The following ZNF90 variants were observed in gnomAD, a reference collection of about 807,000 sequenced individuals.
ZNF90 encodes the protein zinc finger protein HTF9.
In ZNF90, 11 loss-of-function variants were observed where a neutral mutation model predicts 12.0. That is an observed-to-expected ratio of 0.92 (90% confidence interval 0.58 to 1.52). The LOEUF is 1.52. Among genes scored for constraint, ZNF90 ranks in the 40% most tolerant of loss-of-function variants. The pLI is 0.00. For missense variants in ZNF90, 765 were observed against 711.5 expected, an observed-to-expected ratio of 1.08 and a Z score of -0.86; for synonymous variants, 232 against 240.1, an observed-to-expected ratio of 0.97 and a Z score of 0.31.
chr19:20,079,837 C>T, intron 1 of ZNF90: 1 of 363,428 alleles, frequency 2.8e-6, no homozygotes, highest in South Asian at 2.4e-5. Context: ...GCCACCCTGT[C>T]CCGGCCCTGA....
At chr19:20,113,798 A>G (rs1346404443) in intron 3 of ZNF90, among the ~76,000 whole-genome samples, 1 of 152,116 alleles carries the variant, frequency 6.6e-6, no homozygotes, top group Non-Finnish European at 1.5e-5. Flanking sequence ...ACTGCACTCC[A>G]GCCTGAGGGA....
intron 1 of ZNF90, chr19:20,079,829 C>T (rs1356102687): frequency 6.0e-6 from 2 of 334,586 alleles, no homozygotes; most frequent in South Asian, 2.8e-5. Flanking sequence ...TCTGCTCGGC[C>T]ACCCTGTCCC....
intron 1 of ZNF90, among the ~76,000 whole-genome samples, chr19:20,094,379 T>C (rs1555703039): frequency 6.6e-6 from 1 of 152,230 alleles, no homozygotes; most frequent in Non-Finnish European, 1.5e-5. Flanking sequence ...AAGGCGGCCT[T>C]CTGGCCCCTC....
At chr19:20,086,068 G>C (rs1218442781) in intron 1 of ZNF90, among the ~76,000 whole-genome samples, 2 of 152,054 alleles carry the variant, frequency 1.3e-5, no homozygotes, top group Non-Finnish European at 2.9e-5. Context: ...ATATTTGCAG[G>C]CTGAAGCACT....
Position 20,109,789 on chromosome 19 carries a change from C to T in ZNF90, c.226+4473C>T, listed in dbSNP as rs138348827. On this transcript the variant is annotated intron_variant, in intron 3 of 3. Coordinates refer to ENST00000418063, the MANE Select transcript of ZNF90 (RefSeq NM_007138.2). ...GCTACATGGGAGATTGAAGGGGAGTCAAAATTGTGCCTCTACACTCCAGCT... is the reference window on the plus strand; with the variant it reads ...GCTACATGGGAGATTGAAGGGGAGTTAAAATTGTGCCTCTACACTCCAGCT... Among the ~76,000 whole-genome samples the T allele has an allele frequency of 4.3e-3, 649 of 151,124 alleles. 2 individuals carry two copies. The highest frequency in any genetic ancestry group is 6.0e-3 in the Admixed American group (91 of 15,174).
At chr19:20,080,736 T>C (rs535547550) in intron 1 of ZNF90, among the ~76,000 whole-genome samples, 2 of 152,160 alleles carry the variant, frequency 1.3e-5, no homozygotes, top group Non-Finnish European at 2.9e-5. Context: ...AGATGGGCCA[T>C]GGGGTTTGTG....
chr19:20,100,329 T>C (rs2088979295), intron 1 of ZNF90, among the ~76,000 whole-genome samples: 1 of 152,212 alleles, frequency 6.6e-6, no homozygotes, highest in Non-Finnish European at 1.5e-5. Context: ...TTTTCAAAAC[T>C]ATCAAGCAGA....
intron 1 of ZNF90, among the ~76,000 whole-genome samples, chr19:20,082,697 A>G (rs944800995): frequency 6.6e-6 from 1 of 152,178 alleles, no homozygotes; most frequent in African/African-American, 2.4e-5. Flanking sequence ...CCCATGTGAT[A>G]GTCTGAAATA....
intron 1 of ZNF90, among the ~76,000 whole-genome samples, chr19:20,100,963 C>T (rs953037925): frequency 6.6e-6 from 1 of 152,072 alleles, no homozygotes; most frequent in Non-Finnish European, 1.5e-5. Flanking sequence ...GAGTGCACAA[C>T]CCCCTTTGGA....
At chr19:20,102,925 A>G (rs1444753986) in intron 1 of ZNF90, among the ~76,000 whole-genome samples, 1 of 152,198 alleles carries the variant, frequency 6.6e-6, no homozygotes, top group East Asian at 1.9e-4. Context: ...AGAACATAGG[A>G]GTTATCTGTA....
intron 1 of ZNF90, among the ~76,000 whole-genome samples, chr19:20,094,857 G>T (rs2088930389): frequency 6.6e-6 from 1 of 152,194 alleles, no homozygotes; most frequent in Admixed American, 6.5e-5. Flanking sequence ...AGAGAAAAAG[G>T]TACATGTACC....
chr19:20,119,444 G>A lies in ZNF90; in HGVS notation c.*84G>A. 2 of 1,185,848 alleles carry A rather than the reference G, an allele frequency of 1.7e-6. No individual in the cohort carries two copies. The highest frequency in any genetic ancestry group is 5.1e-5 in the East Asian group (2 of 39,230). The allele number at this position is 1,185,848 out of a possible 1,614,324, so 73.5% of individuals were successfully genotyped here. ...ATGTGATGACTGTTGGAAAGCCTTT[G>A]ACCACCCCTCTACTCTTACTAAATA... On this transcript the variant is annotated 3_prime_UTR_variant, in exon 4 of 4. Transcript: ENST00000418063.
intron 3 of ZNF90, among the ~76,000 whole-genome samples, chr19:20,110,943 C>T (rs782386600): frequency 2.6e-5 from 4 of 152,090 alleles, no homozygotes; most frequent in Non-Finnish European, 5.9e-5. Flanking sequence ...ATGTAATTTG[C>T]AAATGTTTTC....
intron 3 of ZNF90, among the ~76,000 whole-genome samples, chr19:20,117,326 G>A (rs892449120): frequency 2.0e-5 from 3 of 152,104 alleles, no homozygotes; most frequent in Non-Finnish European, 4.4e-5. Context: ...TTAAAGGCAT[G>A]AGCCTGGGTG....
At chr19:20,088,341 A>T (rs1408493781) in intron 1 of ZNF90, among the ~76,000 whole-genome samples, 16 of 151,914 alleles carry the variant, frequency 1.1e-4, no homozygotes, top group Non-Finnish European at 2.1e-4. Flanking sequence ...TATTGTGGGG[A>T]TGTTAGAAGA....
At chr19:20,093,502 C>T (rs1315098945) in intron 1 of ZNF90, among the ~76,000 whole-genome samples, 1 of 151,952 alleles carries the variant, frequency 6.6e-6, no homozygotes, top group Non-Finnish European at 1.5e-5. Flanking sequence ...GCGAAGGAGG[C>T]TTTTGGTTGG....
intron 3 of ZNF90, among the ~76,000 whole-genome samples, chr19:20,113,730 A>C (rs1008099964): frequency 6.6e-6 from 1 of 152,036 alleles, no homozygotes; most frequent in East Asian, 2.0e-4. Flanking sequence ...AGGGAGGCTG[A>C]GGCAGGAGAA....
At chr19:20,088,893 T>C (rs1286374958) in intron 1 of ZNF90, among the ~76,000 whole-genome samples, 1 of 152,140 alleles carries the variant, frequency 6.6e-6, no homozygotes, top group African/African-American at 2.4e-5. Flanking sequence ...GGAAGAACTC[T>C]TTTTTGTCAT....
At chr19:20,082,800 C>T (rs1260318481) in intron 1 of ZNF90, among the ~76,000 whole-genome samples, 1 of 152,214 alleles carries the variant, frequency 6.6e-6, no homozygotes, top group African/African-American at 2.4e-5. Flanking sequence ...AGAAAGTCCT[C>T]TTTGCAGTTG....
Sources: gnomAD v4.1 joint callset for allele counts (sites outside exome capture counted in the v4.1 genomes callset) on GRCh38, gnomAD v4.1.1 for gene constraint, MANE v1.5 for transcripts, NCBI Gene and HGNC (gene_info 2026-07-23, HGNC 2026-07-21) for gene names.